ASPRV1: variants seen among roughly 807,000 people sequenced by gnomAD.
ASPRV1 encodes the protein aspartic peptidase retroviral like 1.
Under a neutral mutation model 11.0 loss-of-function variants are expected in ASPRV1, and 7 were observed. The ratio of observed to expected loss-of-function variants is 0.64; its 90% confidence interval spans 0.36 to 1.20. ASPRV1 has a LOEUF of 1.20. ASPRV1 is among the 50% of genes most tolerant of loss of function. The pLI, the probability that ASPRV1 is intolerant of heterozygous loss-of-function variation, is 0.02. For synonymous variants in ASPRV1, 136 were observed against 138.4 expected (o/e 0.98, Z 0.12); for missense variants, 299 against 320.0 (o/e 0.93, Z 0.50).
chr2:70,029,621 G>C, the ASPRV1 span, among the ~76,000 whole-genome samples: 1 of 152,178 alleles, frequency 6.6e-6, no homozygotes, highest in Non-Finnish European at 1.5e-5. Context: ...CCTGGTGACA[G>C]AGCAAGACTC....
the ASPRV1 span, among the ~76,000 whole-genome samples, chr2:70,039,553 A>T: frequency 6.6e-6 from 1 of 152,178 alleles, no homozygotes; most frequent in Non-Finnish European, 1.5e-5. Context: ...AGATTACATG[A>T]GGTTCCACAG....
chr2:70,051,140 G>A, the ASPRV1 span: 1 of 151,988 alleles, frequency 6.6e-6, no homozygotes, highest in African/African-American at 2.4e-5. Context: ...TATAAAATAG[G>A]TGCTATCATT....
the ASPRV1 span, among the ~76,000 whole-genome samples, chr2:70,020,374 T>C: frequency 6.6e-6 from 1 of 152,098 alleles, no homozygotes; most frequent in South Asian, 2.1e-4. Flanking sequence ...ATGGACAAAA[T>C]GTGGTGTATA....
chr2:70,074,155 A>C, the ASPRV1 span, among the ~76,000 whole-genome samples: 1 of 150,322 alleles, frequency 6.7e-6, no homozygotes, highest in Non-Finnish European at 1.5e-5. Flanking sequence ...AAAAAAAAAA[A>C]AAAAACAGAA....
At chr2:70,060,096 C>G in the ASPRV1 span, 4 of 152,034 alleles carry the variant, frequency 2.6e-5, no homozygotes, top group African/African-American at 4.8e-5. Flanking sequence ...AATCCCAGCA[C>G]TTTGAGAGAC....
At chr2:70,018,931 C>A in the ASPRV1 span, 3 of 152,140 alleles carry the variant, frequency 2.0e-5, no homozygotes, top group Non-Finnish European at 4.4e-5. Flanking sequence ...CAAACTGAAA[C>A]CCTTCCACAC....
the ASPRV1 span, among the ~76,000 whole-genome samples, chr2:69,981,550 T>TTTG: frequency 6.6e-6 from 1 of 152,218 alleles, no homozygotes; most frequent in Non-Finnish European, 1.5e-5. Flanking sequence ...AAAGGTTTTC[T>TTTG]TTGTTGTTGT....
the ASPRV1 span, chr2:69,975,783 A>AT: frequency 6.6e-5 from 10 of 152,330 alleles, no homozygotes; most frequent in African/African-American, 2.4e-4. Flanking sequence ...TGCTTGTTTA[A>AT]TATCTCCTAC....
chr2:70,082,620 G>A, the ASPRV1 span, among the ~76,000 whole-genome samples: 1 of 152,208 alleles, frequency 6.6e-6, no homozygotes, highest in African/African-American at 2.4e-5. Context: ...TGAGGCAGGA[G>A]AATCGCTTGA....
the ASPRV1 span, among the ~76,000 whole-genome samples, chr2:70,074,054 A>C: frequency 6.9e-6 from 1 of 145,582 alleles, no homozygotes; most frequent in Non-Finnish European, 1.5e-5. Context: ...GAATGGCGTG[A>C]ACCCAGGAGG....
At chr2:70,074,833 G>C in the ASPRV1 span, among the ~76,000 whole-genome samples, 1 of 151,216 alleles carries the variant, frequency 6.6e-6, no homozygotes, top group Non-Finnish European at 1.5e-5. Context: ...GCATGAACTC[G>C]GGGCCAGGCG....
the ASPRV1 span, among the ~76,000 whole-genome samples, chr2:70,018,725 A>G: frequency 6.6e-6 from 1 of 152,270 alleles, no homozygotes; most frequent in Non-Finnish European, 1.5e-5. Flanking sequence ...ATTCAAATAC[A>G]GAAGAATGAA....
At chr2:70,001,320 G>C in the ASPRV1 span, among the ~76,000 whole-genome samples, 1 of 152,122 alleles carries the variant, frequency 6.6e-6, no homozygotes, top group East Asian at 1.9e-4. Context: ...CTTGAACTCA[G>C]GAGTTCAAGA....
the ASPRV1 span, among the ~76,000 whole-genome samples, chr2:70,085,117 G>A: frequency 3.3e-5 from 5 of 152,204 alleles, no homozygotes; most frequent in African/African-American, 1.2e-4. Flanking sequence ...TGGAGGCTTG[G>A]TGCCAGAGCG....
At chr2:70,068,963 A>G in the ASPRV1 span, among the ~76,000 whole-genome samples, 1 of 151,492 alleles carries the variant, frequency 6.6e-6, no homozygotes, top group Admixed American at 6.6e-5. Flanking sequence ...AAAAAAAAAA[A>G]AAAAAAGCCT....
upstream of ASPRV1, chr2:69,961,793 C>CA: frequency 7.9e-7 from 1 of 1,259,250 alleles, no homozygotes; most frequent in Non-Finnish European, 1.1e-6. Flanking sequence ...ATCCTTGGAC[C>CA]AACACCAGCC....
At chr2:69,982,817 G>C in the ASPRV1 span, among the ~76,000 whole-genome samples, 6 of 152,214 alleles carry the variant, frequency 3.9e-5, no homozygotes, top group African/African-American at 1.4e-4. Flanking sequence ...AAGATGCCCT[G>C]AGCAGATGGC....
chr2:69,956,346 G>C (rs1677935213), downstream of ASPRV1, among the ~76,000 whole-genome samples: 1 of 151,842 alleles, frequency 6.6e-6, no homozygotes, highest in African/African-American at 2.4e-5. Flanking sequence ...TACTTTGGAG[G>C]CTGAGTCAGG....
upstream of ASPRV1, chr2:69,964,813 A>G (rs991198557): frequency 6.6e-6 from 1 of 152,458 alleles, no homozygotes; most frequent in African/African-American, 2.4e-5. Context: ...AACCAGCCCA[A>G]TTCTTTCTCA....
Sources: gnomAD v4.1 joint callset for allele counts (sites outside exome capture counted in the v4.1 genomes callset) on GRCh38, gnomAD v4.1.1 for gene constraint, MANE v1.5 for transcripts, NCBI Gene and HGNC (gene_info 2026-07-23, HGNC 2026-07-21) for gene names.